FYN: variants seen among roughly 807,000 people sequenced by gnomAD.
FYN encodes tyrosine-protein kinase Fyn.
FYN carries 10 observed loss-of-function variants against 70.2 expected under a neutral mutation model. That is an observed-to-expected ratio of 0.14 (90% CI 0.09 to 0.24). FYN has a LOEUF of 0.24. Ranked by LOEUF, FYN falls within the 10% of genes least tolerant of loss-of-function variation. The pLI is 1.00. For missense variants in FYN, 319 were observed against 673.1 expected (o/e 0.47, Z 5.82); for synonymous variants, 236 against 248.6 (o/e 0.95, Z 0.48).
chr6:111,837,226 G>A (rs754889909), intron 2 of FYN, among the ~76,000 whole-genome samples: 3 of 151,970 alleles, frequency 2.0e-5, no homozygotes, highest in Non-Finnish European at 2.9e-5. Context: ...ACTTTTTTGC[G>A]GTAAGCGGCA....
rs1490135770 is a variant in FYN at position 111,812,584 on chromosome 6, T to C, written c.-81-31949A>G. Among the ~76,000 whole-genome samples the C allele has an allele frequency of 2.7e-5, 4 of 150,290 alleles. No individual in the cohort carries two copies. In the East Asian group the frequency reaches 7.8e-4, roughly 29 times the overall value. ...AATTATCACTCTTCCTTTATGGAGG[T>C]AATTAAATCAGAAATTTTCCTTTTT... On this transcript the variant is annotated intron_variant, in intron 2 of 13. Transcript: ENST00000354650.
Position 111,778,130 on chromosome 6 carries a change from G to A in FYN, c.-12+2436C>T, listed in dbSNP as rs558264787. Among the ~76,000 whole-genome samples the A allele has an allele frequency of 7.2e-5, 11 of 152,308 alleles. No homozygotes were observed. In the East Asian group the frequency reaches 1.9e-3, roughly 27 times the overall value. ...CAGCGTGTCTAATGCTGGCCTAGGTGCACAGGAGAGGTGTGGGGAAGTAGA... is the reference window on the plus strand; with the variant it reads ...CAGCGTGTCTAATGCTGGCCTAGGTACACAGGAGAGGTGTGGGGAAGTAGA... On this transcript the variant is annotated intron_variant, in intron 3 of 13. Coordinates refer to ENST00000354650, the MANE Select transcript of FYN (RefSeq NM_002037.5).
At chr6:111,670,305 G>T (rs1477982505) in intron 13 of FYN, among the ~76,000 whole-genome samples, 1 of 152,102 alleles carries the variant, frequency 6.6e-6, no homozygotes, top group Admixed American at 6.5e-5. Flanking sequence ...GGAAGGCTGT[G>T]CTCCCAGATA....
At chr6:111,824,922 G>A (rs12174337) in intron 2 of FYN, among the ~76,000 whole-genome samples, 6,312 of 152,254 alleles carry the variant, frequency 0.041, 163 homozygotes, top group East Asian at 0.14. Context: ...TTTTATTCTG[G>A]TGATTAAGGA....
chr6:111,788,049 T>C (rs919642623), intron 2 of FYN, among the ~76,000 whole-genome samples: 11 of 152,144 alleles, frequency 7.2e-5, no homozygotes, highest in African/African-American at 2.4e-4. Context: ...CTATTTCCTC[T>C]CTTATTGTGC....
At chr6:111,732,985 G>A (rs998175814) in intron 3 of FYN, among the ~76,000 whole-genome samples, 4 of 152,206 alleles carry the variant, frequency 2.6e-5, no homozygotes, top group East Asian at 3.9e-4. Context: ...ATGGGGGAGG[G>A]CATGCAGTGG....
intron 13 of FYN, among the ~76,000 whole-genome samples, chr6:111,671,705 G>A (rs551617017): frequency 6.6e-5 from 10 of 152,282 alleles, no homozygotes; most frequent in African/African-American, 2.4e-4. Flanking sequence ...GGACCCCTCA[G>A]CGCACACTGA....
chr6:111,861,293 G>A (rs1397015475), intron 1 of FYN, among the ~76,000 whole-genome samples: 2 of 152,136 alleles, frequency 1.3e-5, no homozygotes, highest in Non-Finnish European at 2.9e-5. Context: ...CAATATTGAC[G>A]CTGATGTGTA....
intron 12 of FYN, among the ~76,000 whole-genome samples, chr6:111,682,888 C>G (rs1798836426): frequency 6.6e-6 from 1 of 152,190 alleles, no homozygotes; most frequent in African/African-American, 2.4e-5. Context: ...CTGGTAATAG[C>G]TGAATAAATA....
chr6:111,677,255 A>G (rs1232760790), intron 12 of FYN, among the ~76,000 whole-genome samples: 1 of 152,246 alleles, frequency 6.6e-6, no homozygotes, highest in Non-Finnish European at 1.5e-5. Context: ...GCTTTCAACA[A>G]AAGAAGCTTC....
chr6:111,753,663 C>T (rs1428172655), intron 3 of FYN, among the ~76,000 whole-genome samples: 1 of 150,978 alleles, frequency 6.6e-6, no homozygotes, highest in African/African-American at 2.4e-5. Context: ...TGCCTAAGTA[C>T]AGGACGGTGG....
chr6:111,672,215 T>A (rs888702753), intron 13 of FYN, among the ~76,000 whole-genome samples: 1 of 152,188 alleles, frequency 6.6e-6, no homozygotes, highest in Non-Finnish European at 1.5e-5. Context: ...GTGCCAGACC[T>A]TGGGATGCTC....
At chr6:111,698,152 T>C (rs979372277) in intron 9 of FYN, among the ~76,000 whole-genome samples, 1 of 148,682 alleles carries the variant, frequency 6.7e-6, no homozygotes, top group Admixed American at 6.6e-5. Context: ...TGAGACGGAG[T>C]TTCGCTTTTG....
intron 1 of FYN, among the ~76,000 whole-genome samples, chr6:111,851,633 AG>A (rs1773689477): frequency 6.6e-6 from 1 of 152,196 alleles, no homozygotes; most frequent in Non-Finnish European, 1.5e-5. Context: ...ACAGGCAGGG[AG>A]GAAGAGGCTG....
intron 3 of FYN, among the ~76,000 whole-genome samples, chr6:111,723,432 C>T (rs955056077): frequency 4.6e-5 from 7 of 152,194 alleles, no homozygotes; most frequent in East Asian, 1.9e-4. Flanking sequence ...GAAGAGACAG[C>T]ACCATCACCA....
intron 1 of FYN, among the ~76,000 whole-genome samples, chr6:111,872,133 G>A (rs62413757): frequency 0.036 from 5,447 of 152,132 alleles, 109 homozygotes; most frequent in Non-Finnish European, 0.047. Context: ...GGCAAGAAGG[G>A]TGATTTTATT....
intron 3 of FYN, among the ~76,000 whole-genome samples, chr6:111,749,726 A>T (rs2128485751): frequency 6.6e-6 from 1 of 152,354 alleles, no homozygotes; most frequent in Admixed American, 6.5e-5. Flanking sequence ...AAAAACTTAA[A>T]TGTAGATAAC....
Position 111,703,888 on chromosome 6 carries a change from G to A in FYN, c.547+111C>T, listed in dbSNP as rs149234099. Reference sequence around the variant, plus strand: ...AACAGGACTCCACTCACAAGGCAGGGAGGGTATGTGCCATTTTAAAATCCT... The same window carrying A: ...AACAGGACTCCACTCACAAGGCAGGAAGGGTATGTGCCATTTTAAAATCCT... On this transcript the variant is annotated intron_variant, in intron 7 of 13. Coordinates refer to ENST00000354650, the MANE Select transcript of FYN (RefSeq NM_002037.5). 5.7e-4 allele frequency: 443 copies of A among 781,998 alleles called. No homozygotes were observed. In the Middle Eastern group the frequency reaches 7.2e-3, roughly 13 times the overall value. 48.4% of individuals were successfully genotyped at this position (781,998 alleles called of 1,614,324 possible). A position where few individuals can be genotyped will look rare whatever the true frequency, so the allele number is the denominator to read the frequency against.
Position 111,661,002 on chromosome 6 carries a change from A to T in FYN, c.*737T>A, listed in dbSNP as rs1345984077. On this transcript the variant is annotated 3_prime_UTR_variant, in exon 14 of 14. Transcript: ENST00000354650. The surrounding 1 kb of genome is among the most constrained non-coding windows in gnomAD (Gnocchi z 4.0). ...GTGGTTCCTGAAAAGAGTCAAAGTA[A>T]CAACCACCTACAGGTACAGTCATGA... is the stretch of plus-strand genomic sequence containing the variant. The T allele has an allele frequency of 6.6e-6, 1 of 152,186 alleles. No homozygotes were observed. Among genetic ancestry groups the T allele is most frequent in the African/African-American group, 2.4e-5 (1 of 41,436 alleles). 9.4% of individuals were successfully genotyped at this position (152,186 alleles called of 1,614,324 possible). A position where few individuals can be genotyped will look rare whatever the true frequency, so the allele number is the denominator to read the frequency against.
Sources: allele counts gnomAD v4.1 joint callset (sites outside exome capture counted in the v4.1 genomes callset), GRCh38; gene constraint gnomAD v4.1.1; non-coding constraint Gnocchi (gnomAD v3.1); transcripts MANE v1.5; gene names NCBI Gene and HGNC (gene_info 2026-07-23, HGNC 2026-07-21).